KLHL29: variants seen among roughly 807,000 people sequenced by gnomAD.
The protein encoded by KLHL29 is kelch like family member 29, also known as kelch-like protein 29.
KLHL29 carries 21 observed loss-of-function variants against 80.4 expected under a neutral mutation model. The ratio of observed to expected loss-of-function variants is 0.26; its 90% CI spans 0.19 to 0.38. The LOEUF (loss-of-function observed/expected upper bound fraction) is 0.38, where lower values mean the gene tolerates loss of function less well. KLHL29 is among the 10% of genes least tolerant of loss of function. The probability of loss-of-function intolerance (pLI) is 1.00; values close to 1 mark genes in which losing one functional copy is unlikely to be tolerated. For missense variants in KLHL29, 867 were observed against 1,223.9 expected (o/e 0.71, Z 4.35); for synonymous variants, 511 against 526.8 (o/e 0.97, Z 0.41).
chr2:23,631,964 G>C (rs1013976482), intron 3 of KLHL29, among the ~76,000 whole-genome samples: 2 of 152,312 alleles, frequency 1.3e-5, no homozygotes, highest in South Asian at 4.1e-4. Context: ...GATCCCCAGA[G>C]TGAGGTCCAT....
chr2:23,565,142 ACCT>A (rs1349876916), intron 3 of KLHL29, among the ~76,000 whole-genome samples: 2 of 151,872 alleles, frequency 1.3e-5, no homozygotes, highest in Non-Finnish European at 2.9e-5. Context: ...ATTGGTGCTG[ACCT>A]CCTCCTATCA....
chr2:23,656,710 G>A (rs1440467797), intron 5 of KLHL29, among the ~76,000 whole-genome samples: 1 of 152,022 alleles, frequency 6.6e-6, no homozygotes, highest in Non-Finnish European at 1.5e-5. Context: ...GAAAAGTCAT[G>A]TGAGTCCAGG....
At chr2:23,447,619 A>G (rs540488344) in intron 1 of KLHL29, among the ~76,000 whole-genome samples, 2 of 152,314 alleles carry the variant, frequency 1.3e-5, no homozygotes, top group East Asian at 3.9e-4. Flanking sequence ...TTCCTGGATG[A>G]CCAGGCTCCC....
intron 6 of KLHL29, among the ~76,000 whole-genome samples, chr2:23,687,431 CCA>C (rs933359539): frequency 6.6e-6 from 1 of 152,214 alleles, no homozygotes; most frequent in Admixed American, 6.5e-5. Flanking sequence ...AGACCCAACC[CCA>C]GTGCAGACGC....
At chr2:23,394,675 T>G (rs961954842) in intron 1 of KLHL29, among the ~76,000 whole-genome samples, 3 of 152,264 alleles carry the variant, frequency 2.0e-5, no homozygotes, top group Admixed American at 6.5e-5. Flanking sequence ...CATTGCTCAC[T>G]GATTATCACA....
intron 2 of KLHL29, among the ~76,000 whole-genome samples, chr2:23,542,877 C>T (rs1190904923): frequency 6.6e-6 from 1 of 152,236 alleles, no homozygotes; most frequent in Non-Finnish European, 1.5e-5. Context: ...TGCATTGGAT[C>T]CAGGCTCTTT....
chr2:23,542,283 G>C (rs1003094846), intron 2 of KLHL29, among the ~76,000 whole-genome samples: 1 of 152,176 alleles, frequency 6.6e-6, no homozygotes, highest in Non-Finnish European at 1.5e-5. Context: ...TAGGCATTTA[G>C]AGGACTTACT....
intron 2 of KLHL29, among the ~76,000 whole-genome samples, chr2:23,504,371 A>G (rs1041074246): frequency 3.0e-4 from 45 of 152,336 alleles, no homozygotes; most frequent in Middle Eastern, 3.4e-3. Context: ...AGTGGGGGCC[A>G]CTTCTAGGCA....
rs988027620 is a variant in KLHL29 at position 23,706,652 on chromosome 2, T to G, written c.2616T>G (p.Ile872Met). ...RHGCVVIKKY[I>M]QSG Reference sequence around the variant, plus strand: ...GCTGCGTCGTGATAAAGAAATATATTCAAAGCGGCTGACATCAGCAGAAAG... The same window carrying G: ...GCTGCGTCGTGATAAAGAAATATATGCAAAGCGGCTGACATCAGCAGAAAG... Residue 872 changes from isoleucine to methionine, a missense_variant, in exon 14 of 14, where the codon ATT (isoleucine) becomes ATG (methionine). Ile to Met is a conservative substitution (Grantham distance 10). Coordinates refer to ENST00000486442, the MANE Select transcript of KLHL29 (RefSeq NM_052920.2). The G allele has an allele frequency of 1.3e-6, 2 of 1,524,686 alleles. No homozygotes were observed. Among genetic ancestry groups the G allele is most frequent in the Non-Finnish European group, 1.8e-6 (2 of 1,138,254 alleles). The allele number at this position is 1,524,686 out of a possible 1,614,324, so 94.4% of individuals were successfully genotyped here.
chr2:23,502,972 C>CT (rs1558362429), intron 2 of KLHL29, among the ~76,000 whole-genome samples: 1 of 151,828 alleles, frequency 6.6e-6, no homozygotes, highest in Non-Finnish European at 1.5e-5. Context: ...TGAAATATTT[C>CT]TTTTTTCTTT....
At chr2:23,687,510 C>T (rs968181338) in intron 6 of KLHL29, among the ~76,000 whole-genome samples, 1 of 152,228 alleles carries the variant, frequency 6.6e-6, no homozygotes, top group Non-Finnish European at 1.5e-5. Flanking sequence ...TCAGCAAACA[C>T]ACAGGAGCCC....
chr2:23,520,992 A>ACCCCCCC lies in KLHL29; in HGVS notation c.-45-41155_-45-41149dup, dbSNP rs33915683. 1.0e-3 allele frequency among the ~76,000 whole-genome samples: 95 copies of ACCCCCCC among 91,198 alleles called. 3 individuals are homozygous for ACCCCCCC. Among genetic ancestry groups the ACCCCCCC allele is most frequent in the African/African-American group, 3.2e-3 (90 of 28,174 alleles). The allele number at this position is 91,198 out of a possible 152,430, so 59.8% of individuals were successfully genotyped here. A position where few individuals can be genotyped will look rare whatever the true frequency, so the allele number is the denominator to read the frequency against. Reference sequence around the variant, plus strand: ...TTACTGCTTTCATTTTACAAAGACCACCCCCCCCCCCGCTCCCCCTCAGGG... The same window carrying ACCCCCCC: ...TTACTGCTTTCATTTTACAAAGACCACCCCCCCCCCCCCCCCCCGCTCCCCCTCAGGG... On this transcript the variant is annotated intron_variant, in intron 2 of 13. Transcript: ENST00000486442.
chr2:23,632,403 G>C (rs2149150655), intron 3 of KLHL29, among the ~76,000 whole-genome samples: 1 of 152,380 alleles, frequency 6.6e-6, no homozygotes, highest in South Asian at 2.1e-4. Flanking sequence ...CCAACACCCT[G>C]GTCTGAATAT....
chr2:23,444,405 A>G (rs1329533222), intron 1 of KLHL29, among the ~76,000 whole-genome samples: 2 of 151,874 alleles, frequency 1.3e-5, no homozygotes, highest in Admixed American at 1.3e-4. Context: ...GCTCACTGCA[A>G]CCTCCGCCTC....
chr2:23,453,425 T>C (rs148811906), intron 1 of KLHL29, among the ~76,000 whole-genome samples: 138 of 152,362 alleles, frequency 9.1e-4, no homozygotes, highest in African/African-American at 3.1e-3. Context: ...ATTGAGGCTT[T>C]TCAGAAATGC....
intron 3 of KLHL29, among the ~76,000 whole-genome samples, chr2:23,583,887 C>T (rs1668047686): frequency 6.6e-6 from 1 of 152,238 alleles, no homozygotes; most frequent in Non-Finnish European, 1.5e-5. Flanking sequence ...GCCATCTCTG[C>T]TCCTCTTTAT....
rs146169972 is a variant in KLHL29 at position 23,646,406 on chromosome 2, G to C, written c.940+3556G>C. Among the ~76,000 whole-genome samples the C allele has an allele frequency of 3.3e-4, 51 of 152,374 alleles. No homozygotes were observed. In the East Asian group the frequency reaches 9.1e-3, roughly 27 times the overall value. On this transcript the variant is annotated intron_variant, in intron 5 of 13. Coordinates refer to ENST00000486442, the MANE Select transcript of KLHL29 (RefSeq NM_052920.2). The stretch of plus-strand genomic sequence containing the variant: ...GGACCTTTTAAAGCCCCAAGCTCCA[G>C]GCCTAGTGGTGAGCTGCAGAAAGGC...
At chr2:23,409,510 G>T (rs1261267431) in intron 1 of KLHL29, among the ~76,000 whole-genome samples, 2 of 152,212 alleles carry the variant, frequency 1.3e-5, no homozygotes, top group Non-Finnish European at 2.9e-5. Flanking sequence ...AGTTTGGGAA[G>T]GTTGTTTTTC....
intron 3 of KLHL29, among the ~76,000 whole-genome samples, chr2:23,636,420 G>T (rs1669610982): frequency 6.6e-6 from 1 of 151,198 alleles, no homozygotes; most frequent in South Asian, 2.1e-4. Flanking sequence ...AAAAAGACTT[G>T]ATTCTCACCA....
Sources: allele counts gnomAD v4.1 joint callset (sites outside exome capture counted in the v4.1 genomes callset), GRCh38; gene constraint gnomAD v4.1.1; transcripts MANE v1.5; gene names NCBI Gene and HGNC (gene_info 2026-07-23, HGNC 2026-07-21).